ELP2: variants seen among roughly 807,000 people sequenced by gnomAD.
The protein encoded by ELP2 is elongator complex protein 2.
A neutral mutation model predicts 119.2 loss-of-function variants in ELP2; 90 were observed. The observed-to-expected ratio is 0.75, with a 90% CI of 0.64 to 0.90. ELP2 has a LOEUF of 0.90. ELP2 is among the 40% of genes least tolerant of loss of function. The probability of loss-of-function intolerance (pLI) is 0.00; values close to 1 mark genes in which losing one functional copy is unlikely to be tolerated. For missense variants in ELP2, 921 were observed against 967.8 expected (o/e 0.95, Z 0.64); for synonymous variants, 339 against 331.0 (o/e 1.02, Z -0.26).
chr18:36,139,631 T>C (rs953387757), intron 5 of ELP2: 2 of 1,500,328 alleles, frequency 1.3e-6, no homozygotes, highest in African/African-American at 2.8e-5. Context: ...GAGTTTTGTT[T>C]TTATTGTTTT....
At position 36,158,873 on chromosome 18, in the gene ELP2, A is replaced by T; in HGVS notation, c.1503A>T (p.Ala501=). 6.2e-7 allele frequency: 1 copy of T among 1,611,902 alleles called. No homozygotes were observed. The highest frequency in any genetic ancestry group is 8.5e-7 in the Non-Finnish European group (1 of 1,178,024). The part of the protein sequence containing the change: ...SDLPEGATVP[A]LGLSNKAVFQ... ...TTCCAGAAGGAGCCACTGTCCCTGC[A>T]TTGGGATTATCAAATAAAGCTGTCT... The change falls in exon 14 of 22, where the codon GCA becomes GCT. Residue 501 remains alanine (A), a synonymous_variant. Transcript: ENST00000358232.
intron 13 of ELP2, 128 bp downstream of exon 13, chr18:36,156,782 T>C: frequency 1.1e-6 from 1 of 920,896 alleles, no homozygotes; most frequent in Non-Finnish European, 1.7e-6. Context: ...TAATGTAAGA[T>C]GTGACAAAGT....
At chr18:36,158,727 A>G in intron 13 of ELP2, 108 bp from the exon 14 acceptor site, 1 of 764,542 alleles carries the variant, frequency 1.3e-6, no homozygotes, top group South Asian at 1.6e-5. Flanking sequence ...CTCAGCATTT[A>G]TGAGCGTGAC....
intron 12 of ELP2, among the ~76,000 whole-genome samples, chr18:36,155,629 C>T (rs1215255192): frequency 6.6e-6 from 1 of 152,106 alleles, no homozygotes. Flanking sequence ...GCCTTGAACT[C>T]CTGGCCTCAA....
In ELP2 at chr18:36,156,588, A is replaced by G; in HGVS notation, c.1398A>G (p.Ala466=). 1 of 1,614,074 alleles carries G rather than the reference A, an allele frequency of 6.2e-7. No homozygotes were observed. Among genetic ancestry groups the G allele is most frequent in the Middle Eastern group, 1.6e-4 (1 of 6,062 alleles). The change falls in exon 13 of 22, where the codon GCA becomes GCG. Residue 466 remains alanine, a synonymous_variant. Transcript: ENST00000358232. ...AAAAAGTTCTTCGGGTTTTTTCTGC[A>G]CCTCGGAATTTTGTGGAAAATTTTT... The part of the protein sequence containing the change: ...ADEKVLRVFS[A]PRNFVENFCA...
chr18:36,164,743 T>A, intron 18 of ELP2, 76 bp downstream of exon 18: 1 of 1,407,362 alleles, frequency 7.1e-7, no homozygotes, highest in Non-Finnish European at 1.0e-6. Flanking sequence ...CAGCTTTAGT[T>A]AAGAGAAAGA....
rs989982779 is a variant in ELP2, at chr18:36,179,197, C to A, written c.*4556C>A. The stretch of plus-strand genomic sequence containing the variant: ...GGGACCCGGGCCGGGCGTGGTGGCT[C>A]ATGCCTGTAATCCCAGCAATTTGGG... On this transcript the variant is annotated 3_prime_UTR_variant, in exon 22 of 22. Coordinates refer to ENST00000358232, the MANE Select transcript of ELP2 (RefSeq NM_018255.4). 6.6e-6 allele frequency: 1 copy of A among 151,364 alleles called. No homozygotes were observed. The highest frequency in any genetic ancestry group is 2.0e-4 in the East Asian group (1 of 5,120). 9.4% of individuals were successfully genotyped at this position (151,364 alleles called of 1,614,324 possible).
At chr18:36,132,340 C>T (rs909869378) in intron 1 of ELP2, among the ~76,000 whole-genome samples, 42 of 152,282 alleles carry the variant, frequency 2.8e-4, no homozygotes, top group African/African-American at 9.6e-4. Context: ...TGATAACGCG[C>T]GTGGCCACCA....
At position 36,167,093 on chromosome 18, in the gene ELP2, T is replaced by G; in HGVS notation, c.1955-8T>G. 6.3e-7 allele frequency: 1 copy of G among 1,595,934 alleles called. No individual in the cohort carries two copies. Among genetic ancestry groups the G allele is most frequent in the African/African-American group, 1.3e-5 (1 of 74,562 alleles). ...GCTTTGTGAATAGTGTATACATATT[T>G]CTTTCAGAGCCAGTTTTTAGTCTTT... On this transcript the variant is annotated splice_polypyrimidine_tract_variant and splice_region_variant and intron_variant, in intron 18 of 21. Coordinates refer to ENST00000358232, the MANE Select transcript of ELP2 (RefSeq NM_018255.4).
In ELP2 at chr18:36,170,086, C is replaced by T. The variant is rs1341597263; in HGVS notation, c.2100C>T (p.Asp700=). 16 of 1,614,042 alleles carry T rather than the reference C, an allele frequency of 9.9e-6. No individual in the cohort carries two copies. The highest frequency in any genetic ancestry group is 1.4e-5 in the Non-Finnish European group (16 of 1,180,038). Residue 700 remains aspartate, a synonymous_variant, in exon 20 of 22, where the codon GAC becomes GAT. Transcript: ENST00000358232. ...DKKVVVWGEC[D]STDDCIEHNI... Reference sequence around the variant, plus strand: ...AGGTGGTTGTCTGGGGTGAGTGCGACTCCACTGATGACTGTATTGAGCACA... The same window carrying T: ...AGGTGGTTGTCTGGGGTGAGTGCGATTCCACTGATGACTGTATTGAGCACA...
chr18:36,160,828 A>G, intron 16 of ELP2, 104 bp from the exon 17 acceptor site: 8 of 752,380 alleles, frequency 1.1e-5, no homozygotes, highest in East Asian at 2.6e-5. Flanking sequence ...AAAGAATTGT[A>G]TATTAGCTAG....
Position 36,129,924 on chromosome 18 carries a change from A to C in ELP2, c.-10A>C, listed in dbSNP as rs891337307. The C allele has an allele frequency of 1.2e-6, 2 of 1,614,078 alleles. No individual in the cohort carries two copies. Among genetic ancestry groups the C allele is most frequent in the African/African-American group, 2.7e-5 (2 of 74,928 alleles). ...GCGTCTCTTGTTTGTGCGGCTGACCAGTTGGCGACATGGTGGCACCCGTGC... is the reference window on the plus strand; with the variant it reads ...GCGTCTCTTGTTTGTGCGGCTGACCCGTTGGCGACATGGTGGCACCCGTGC... On this transcript the variant is annotated 5_prime_UTR_variant, in exon 1 of 22. Coordinates refer to ENST00000358232, the MANE Select transcript of ELP2 (RefSeq NM_018255.4).
At chr18:36,142,772 C>G in intron 7 of ELP2, 54 bp from the exon 8 acceptor site, 2 of 1,246,566 alleles carry the variant, frequency 1.6e-6, no homozygotes, top group Non-Finnish European at 2.3e-6. Context: ...AAGTCTTATA[C>G]ATAAACTTCA....
At position 36,156,577 on chromosome 18, in the gene ELP2, G is replaced by GT; in HGVS notation, c.1393dup (p.Ser465PhefsTer24). The GT allele has an allele frequency of 6.2e-7, 1 of 1,614,034 alleles. No individual in the cohort carries two copies. The highest frequency in any genetic ancestry group is 1.1e-5 in the South Asian group (1 of 91,078). On this transcript the variant is annotated frameshift_variant, in exon 13 of 22. Transcript: ENST00000358232. LOFTEE classifies it high-confidence loss of function. ...TGGAGCAGATGAAAAAGTTCTTCGGGTTTTTTCTGCACCTCGGAATTTTGT... is the reference window on the plus strand; with the variant it reads ...TGGAGCAGATGAAAAAGTTCTTCGGGTTTTTTTCTGCACCTCGGAATTTTGT...
intron 11 of ELP2, among the ~76,000 whole-genome samples, chr18:36,153,356 C>T (rs1419090112): frequency 2.0e-5 from 3 of 152,158 alleles, no homozygotes; most frequent in African/African-American, 7.2e-5. Context: ...TATCCTTTTT[C>T]TTCCCAAACC....
At chr18:36,166,319 G>GTTTTTTTTTGTTTTTT (rs1568022192) in intron 18 of ELP2, among the ~76,000 whole-genome samples, 3 of 71,692 alleles carry the variant, frequency 4.2e-5, no homozygotes, top group Non-Finnish European at 7.6e-5. Context: ...GTTTTTTAGG[G>GTTTTTTTTTGTTTTTT]TTTTTTTTTT....
At chr18:36,160,239 T>C (rs1568013448) in intron 16 of ELP2, among the ~76,000 whole-genome samples, 2 of 152,180 alleles carry the variant, frequency 1.3e-5, no homozygotes, top group Admixed American at 6.6e-5. Context: ...ATTCATCTTA[T>C]TTTTAAAGTA....
At chr18:36,154,335 C>T (rs1183783652) in intron 11 of ELP2, among the ~76,000 whole-genome samples, 1 of 152,132 alleles carries the variant, frequency 6.6e-6, no homozygotes, top group Non-Finnish European at 1.5e-5. Context: ...AGTTGTCTGT[C>T]CTCTACACCT....
chr18:36,139,643 A>G lies in ELP2; in HGVS notation c.523+771A>G, dbSNP rs1290793461. 13 of 1,495,388 alleles carry G rather than the reference A, an allele frequency of 8.7e-6. No individual in the cohort carries two copies. The South Asian group carries it at 1.7e-4, about 19-fold the overall frequency. 92.6% of individuals were successfully genotyped at this position (1,495,388 alleles called of 1,614,324 possible). A position where few individuals can be genotyped will look rare whatever the true frequency, so the allele number is the denominator to read the frequency against. On this transcript the variant is annotated intron_variant, in intron 5 of 21. Transcript: ENST00000358232. The stretch of plus-strand genomic sequence containing the variant: ...CTGGAGTTTTGTTTTTATTGTTTTT[A>G]TTTTTCTTTTTTCTGTAGTTGATCT...
Sources: allele counts gnomAD v4.1 joint callset (sites outside exome capture counted in the v4.1 genomes callset), GRCh38; gene constraint gnomAD v4.1.1; transcripts MANE v1.5; gene names NCBI Gene and HGNC (gene_info 2026-07-23, HGNC 2026-07-21).